The following UGT2B4 variants were observed in gnomAD, a reference collection of about 807,000 sequenced individuals.
The protein encoded by UGT2B4 is UDP glucuronosyltransferase family 2 member B4, also known as UDP-glucuronosyltransferase 2B4.
A neutral mutation model predicts 49.8 loss-of-function variants in UGT2B4; 49 were observed. The ratio of observed to expected loss-of-function variants is 0.98; its 90% CI spans 0.78 to 1.25. The LOEUF (loss-of-function observed/expected upper bound fraction) is 1.25, where lower values mean the gene tolerates loss of function less well. Among genes scored for constraint, UGT2B4 ranks in the 50% most tolerant of loss-of-function variants. The pLI is 0.00. For missense variants in UGT2B4, 729 were observed against 627.7 expected (o/e 1.16, Z -1.73); for synonymous variants, 246 against 217.7 (o/e 1.13, Z -1.14).
chr4:69,519,904 T>C (rs994179488), intron 1 of UGT2B4, among the ~76,000 whole-genome samples: 4 of 152,184 alleles, frequency 2.6e-5, no homozygotes, highest in South Asian at 2.1e-4. Context: ...TATTGCTCTG[T>C]CCCACTCTCA....
chr4:69,498,598 G>C (rs1421053588), upstream of UGT2B4, among the ~76,000 whole-genome samples: 4 of 151,808 alleles, frequency 2.6e-5, no homozygotes, highest in Non-Finnish European at 5.9e-5. Context: ...TTCATCTTTG[G>C]GAGGGTGTAT....
Position 69,520,543 on chromosome 4 carries a change from G to A in UGT2B4, c.-106+5144C>T, listed in dbSNP as rs556520285. On this transcript the variant is annotated intron_variant, in intron 1 of 1. Transcript: ENST00000510114. ...TGCTCCTGAAAGCTCAGAAGTGCCA[G>A]CTCCCGCTGCCTGGCTTCTCCTTAC... Among the ~76,000 whole-genome samples the A allele has an allele frequency of 2.6e-5, 4 of 152,378 alleles. No individual in the cohort carries two copies. In the South Asian group the frequency reaches 8.3e-4, roughly 32 times the overall value.
At chr4:69,514,285 G>C (rs760477377) in intron 1 of UGT2B4, among the ~76,000 whole-genome samples, 1 of 151,980 alleles carries the variant, frequency 6.6e-6, no homozygotes, top group Non-Finnish European at 1.5e-5. Flanking sequence ...TCCCCTTCCT[G>C]TGTCCAAGTA....
chr4:69,495,253 G>A lies in UGT2B4; in HGVS notation c.609C>T (p.Asp203=). ...YVPVVMSELS[D]QMTFIERVKN... ...TTACCCTCTCTATGAAAGTCATTTG[G>A]TCACTTAGTTCTGACATAACAACAG... is the stretch of plus-strand genomic sequence containing the variant. Residue 203 remains aspartate (D), a synonymous_variant, in exon 1 of 6, where the codon GAC becomes GAT. Transcript: ENST00000305107. The A allele has an allele frequency of 6.2e-7, 1 of 1,612,726 alleles. No homozygotes were observed. The highest frequency in any genetic ancestry group is 8.5e-7 in the Non-Finnish European group (1 of 1,179,594).
At position 69,523,870 on chromosome 4, in the gene UGT2B4, G is replaced by T. The variant is rs1167905946; in HGVS notation, c.-106+1817C>A. Among the ~76,000 whole-genome samples, 32 of 152,052 alleles carry T rather than the reference G, an allele frequency of 2.1e-4. 1 individual carries two copies. The highest frequency in any genetic ancestry group is 2.1e-3 in the Admixed American group (32 of 15,276). On this transcript the variant is annotated intron_variant, in intron 1 of 1. Transcript: ENST00000510114. ...GGCTAGATTGTTTGGATAATTTTCT[G>T]CAATTTCTACATCAGCACCTGCTGC... is the stretch of plus-strand genomic sequence containing the variant.
intron 1 of UGT2B4, among the ~76,000 whole-genome samples, chr4:69,505,095 A>C (rs1429872487): frequency 1.3e-5 from 2 of 152,202 alleles, no homozygotes; most frequent in Non-Finnish European, 2.9e-5. Flanking sequence ...AAAAAAAGAA[A>C]ACATTTCCAA....
In UGT2B4 at chr4:69,495,685, T is replaced by A; in HGVS notation, c.177A>T (p.Ser59=). The A allele has an allele frequency of 6.2e-7, 1 of 1,614,064 alleles. No homozygotes were observed. The highest frequency in any genetic ancestry group is 8.5e-7 in the Non-Finnish European group (1 of 1,179,978). Residue 59 remains serine, a synonymous_variant, in exon 1 of 6, where the codon TCA becomes TCT. Transcript: ENST00000305107. The part of the protein sequence containing the change: ...RGHEVTVLAS[S]ASISFDPNSP... ...TGTTGGGATCGAAAGAAATGGAAGC[T>A]GAAGATGCCAATACAGTCACCTCAT...
chr4:69,514,534 G>T (rs6600776), intron 1 of UGT2B4, among the ~76,000 whole-genome samples: 145,027 of 152,262 alleles, frequency 0.95, 69,481 homozygotes, highest in East Asian at 1. Flanking sequence ...CCTTGTCTTG[G>T]GCTGGTTTTC....
In UGT2B4 at chr4:69,480,844, TCGA is replaced by T. The variant is rs1221131994; in HGVS notation, c.1374_1376del (p.Asp458_Arg459delinsGlu). ...TGACAAATTCAATCCAGAAGACTGCTCGATCAAGGGGCTTCACTGGTTGATCAT... is the reference window on the plus strand; with the variant it reads ...TGACAAATTCAATCCAGAAGACTGCTTCAAGGGGCTTCACTGGTTGATCAT... On this transcript the variant is annotated inframe_deletion, in exon 6 of 6. Transcript: ENST00000305107. The T allele has an allele frequency of 6.2e-7, 1 of 1,613,884 alleles. No individual in the cohort carries two copies. The highest frequency in any genetic ancestry group is 8.5e-7 in the Non-Finnish European group (1 of 1,179,822).
intron 1 of UGT2B4, among the ~76,000 whole-genome samples, chr4:69,521,346 G>T (rs1372835045): frequency 4.6e-5 from 7 of 152,196 alleles, no homozygotes; most frequent in Admixed American, 3.9e-4. Flanking sequence ...CCCAGCCAGG[G>T]ACGTGACAAC....
chr4:69,519,940 C>T (rs2109833701), intron 1 of UGT2B4, among the ~76,000 whole-genome samples: 1 of 152,208 alleles, frequency 6.6e-6, no homozygotes, highest in South Asian at 2.1e-4. Context: ...GAACTATAAT[C>T]AGAAAAGTGT....
At chr4:69,500,220 G>T (rs1211266926), upstream of UGT2B4, among the ~76,000 whole-genome samples, 5 of 152,056 alleles carry the variant, frequency 3.3e-5, no homozygotes, top group African/African-American at 1.2e-4. Flanking sequence ...ACATGGAGGG[G>T]AACAACACAC....
At chr4:69,514,170 A>G (rs997846062) in intron 1 of UGT2B4, among the ~76,000 whole-genome samples, 1 of 152,092 alleles carries the variant, frequency 6.6e-6, no homozygotes, top group African/African-American at 2.4e-5. Flanking sequence ...TACATGTGCC[A>G]TGTTGGTGTG....
chr4:69,493,744 A>G lies in UGT2B4; in HGVS notation c.819T>C (p.Asn273=), dbSNP rs1220557179. 1.2e-6 allele frequency: 2 copies of G among 1,611,930 alleles called. No individual in the cohort carries two copies. Among genetic ancestry groups the G allele is most frequent in the African/African-American group, 2.7e-5 (2 of 74,788 alleles). Residue 273 remains asparagine, a synonymous_variant, in exon 2 of 6, where the codon AAT becomes AAC. Transcript: ENST00000305107. The part of the protein sequence containing the change: ...DFQFPHPLLP[N]VEFVGGLHCK... The stretch of plus-strand genomic sequence containing the variant: ...AGTGGAGTCCTCCAACGAACTCAAC[A>G]TTTGGTAAGAGTGGGTGAGGAAATT...
rs2109815512 is a variant in UGT2B4, at chr4:69,495,885, T to A, written c.-24A>T. On this transcript the variant is annotated 5_prime_UTR_variant, in exon 1 of 6. Coordinates refer to ENST00000305107, the MANE Select transcript of UGT2B4 (RefSeq NM_021139.3). ...ATCCTGATGCAATGCAATGCTTGTTTTCCAGTTGCTGCTCCTTTCTGTCAT... is the reference window on the plus strand; with the variant it reads ...ATCCTGATGCAATGCAATGCTTGTTATCCAGTTGCTGCTCCTTTCTGTCAT... 4 of 1,551,184 alleles carry A rather than the reference T, an allele frequency of 2.6e-6. No homozygotes were observed. The highest frequency in any genetic ancestry group is 4.5e-5 in the East Asian group (2 of 44,386).
At chr4:69,496,771 T>A (rs1728178586), upstream of UGT2B4, among the ~76,000 whole-genome samples, 1 of 152,194 alleles carries the variant, frequency 6.6e-6, no homozygotes, top group African/African-American at 2.4e-5. Flanking sequence ...ATACATGGAA[T>A]CACACAATAT....
intron 5 of UGT2B4, among the ~76,000 whole-genome samples, chr4:69,484,163 C>A (rs1727696763): frequency 1.3e-5 from 2 of 152,012 alleles, no homozygotes; most frequent in Non-Finnish European, 2.9e-5. Context: ...CAGGTGTTGG[C>A]AACAATGTGG....
intron 1 of UGT2B4, among the ~76,000 whole-genome samples, chr4:69,501,840 G>T (rs1041326892): frequency 6.6e-6 from 1 of 152,144 alleles, no homozygotes; most frequent in African/African-American, 2.4e-5. Flanking sequence ...ATGAAAATGT[G>T]GTCAGCTGCT....
In UGT2B4 at chr4:69,495,780, C is replaced by A; in HGVS notation, c.82G>T (p.Val28Leu). Residue 28 changes from valine (V) to leucine (L), a missense_variant, in exon 1 of 6, where the codon GTG becomes TTG. Physicochemically the swap from Val to Leu is conservative, Grantham distance 32. Transcript: ENST00000305107. ...CAGTGGCTGAATTCTGTGGGCCACA[C>A]CAGCACCTTTCCACAACTCCCAGAG... ...FSSGSCGKVL[V>L]WPTEFSHWMN... 3.1e-6 allele frequency: 5 copies of A among 1,613,864 alleles called. No homozygotes were observed. The highest frequency in any genetic ancestry group is 4.2e-6 in the Non-Finnish European group (5 of 1,179,892).
Sources: allele counts gnomAD v4.1 joint callset (sites outside exome capture counted in the v4.1 genomes callset), GRCh38; gene constraint gnomAD v4.1.1; transcripts MANE v1.5; gene names NCBI Gene and HGNC (gene_info 2026-07-23, HGNC 2026-07-21).